The following ITGA9 variants were observed in gnomAD, a reference collection of about 807,000 sequenced individuals.
ITGA9 encodes integrin alpha-9.
Under a neutral mutation model 127.8 loss-of-function variants are expected in ITGA9, and 56 were observed. The ratio of observed to expected loss-of-function variants is 0.44; its 90% CI spans 0.35 to 0.55. The LOEUF (loss-of-function observed/expected upper bound fraction) is 0.55, where lower values mean the gene tolerates loss of function less well. Ranked by LOEUF, ITGA9 falls within the 20% of genes least tolerant of loss-of-function variation. The pLI, the probability that ITGA9 is intolerant of heterozygous loss-of-function variation, is 0.00. For missense variants in ITGA9, 1,196 were observed against 1,347.1 expected (o/e 0.89, Z 1.76); for synonymous variants, 508 against 514.5 (o/e 0.99, Z 0.17).
chr3:37,785,904 G>A (rs1429212928), intron 26 of ITGA9, among the ~76,000 whole-genome samples: 4 of 152,198 alleles, frequency 2.6e-5, no homozygotes, highest in South Asian at 2.1e-4. Context: ...TCAGAGACAC[G>A]GGAGGGTGTG....
rs914792373 is a variant in ITGA9 at position 37,806,401 on chromosome 3, CAG to C, written c.3009+2460_3009+2461del. ...TTATGGCTGGGTGTGTGGAACCAGACAGGGCACAGAGTGGGGAGTGTTGTGGC... is the reference window on the plus strand; with the variant it reads ...TTATGGCTGGGTGTGTGGAACCAGACGGCACAGAGTGGGGAGTGTTGTGGC... On this transcript the variant is annotated intron_variant, in intron 27 of 27. Coordinates refer to ENST00000264741, the MANE Select transcript of ITGA9 (RefSeq NM_002207.3). This position sits in a 1 kb window ranked among gnomAD's most constrained non-coding sequence, Gnocchi z 4.3. 8 of 152,132 alleles carry C rather than the reference CAG, an allele frequency of 5.3e-5. No homozygotes were observed. Among genetic ancestry groups the C allele is most frequent in the African/African-American group, 1.9e-4 (8 of 41,392 alleles). 9.4% of individuals were successfully genotyped at this position (152,132 alleles called of 1,614,324 possible).
chr3:37,714,753 T>G (rs1701116610), intron 18 of ITGA9, among the ~76,000 whole-genome samples: 1 of 152,142 alleles, frequency 6.6e-6, no homozygotes, highest in Non-Finnish European at 1.5e-5. Flanking sequence ...GTCCCAGCAG[T>G]CTGTGTTTTA....
intron 14 of ITGA9, 62 bp downstream of exon 14, chr3:37,533,530 T>C: frequency 6.4e-7 from 1 of 1,550,970 alleles, no homozygotes. Flanking sequence ...TAGTGGGATA[T>C]TTCCGATGTT....
intron 13 of ITGA9, among the ~76,000 whole-genome samples, chr3:37,526,628 A>G (rs1699096374): frequency 6.6e-6 from 1 of 152,222 alleles, no homozygotes; most frequent in Non-Finnish European, 1.5e-5. Flanking sequence ...TGCAGTCTGC[A>G]TCTCTCCTGC....
intron 8 of ITGA9, 36 bp from the exon 9 acceptor site, chr3:37,513,727 C>A: frequency 6.2e-7 from 1 of 1,613,756 alleles, no homozygotes; most frequent in African/African-American, 1.3e-5. Flanking sequence ...TGAGAGCAGA[C>A]ACTGAATGCT....
chr3:37,539,107 T>G (rs1310700946), intron 14 of ITGA9, among the ~76,000 whole-genome samples: 1 of 152,228 alleles, frequency 6.6e-6, no homozygotes, highest in Non-Finnish European at 1.5e-5. Flanking sequence ...GATCAGTACT[T>G]CCGGATCAGT....
At chr3:37,492,497 G>A (rs1238933692) in intron 4 of ITGA9, among the ~76,000 whole-genome samples, 3 of 152,218 alleles carry the variant, frequency 2.0e-5, no homozygotes, top group Non-Finnish European at 2.9e-5. Flanking sequence ...TCACCACCTC[G>A]GAAACCCGAG....
At chr3:37,467,902 T>C (rs987642073) in intron 1 of ITGA9, among the ~76,000 whole-genome samples, 1 of 152,202 alleles carries the variant, frequency 6.6e-6, no homozygotes, top group African/African-American at 2.4e-5. Context: ...AAGCGCAATA[T>C]GTGACTTACC....
intron 20 of ITGA9, among the ~76,000 whole-genome samples, chr3:37,738,982 A>G (rs1696400037): frequency 6.6e-6 from 1 of 152,226 alleles, no homozygotes; most frequent in African/African-American, 2.4e-5. Flanking sequence ...TGCCTGATCT[A>G]TCCCCAGAGA....
At chr3:37,721,054 A>G (rs373520763) in intron 18 of ITGA9, among the ~76,000 whole-genome samples, 1 of 151,166 alleles carries the variant, frequency 6.6e-6, no homozygotes, top group South Asian at 2.1e-4. Context: ...CCAGTCTGCA[A>G]CTGCCAGTGA....
intron 17 of ITGA9, among the ~76,000 whole-genome samples, chr3:37,680,191 C>T (rs1700721740): frequency 6.6e-6 from 1 of 152,132 alleles, no homozygotes; most frequent in African/African-American, 2.4e-5. Flanking sequence ...ATATCAAGAC[C>T]CTTTCTCAGT....
intron 15 of ITGA9, among the ~76,000 whole-genome samples, chr3:37,612,559 G>A (rs1700033630): frequency 6.6e-6 from 1 of 152,194 alleles, no homozygotes; most frequent in African/African-American, 2.4e-5. Flanking sequence ...GGAAGGAAAT[G>A]CTAAATTTCA....
intron 15 of ITGA9, among the ~76,000 whole-genome samples, chr3:37,604,060 G>A (rs1575164091): frequency 6.6e-6 from 1 of 152,206 alleles, no homozygotes; most frequent in East Asian, 1.9e-4. Context: ...GATACGGATG[G>A]GCAAGCACTT....
At chr3:37,680,920 G>T (rs1048969925) in intron 17 of ITGA9, among the ~76,000 whole-genome samples, 1 of 152,146 alleles carries the variant, frequency 6.6e-6, no homozygotes, top group African/African-American at 2.4e-5. Context: ...TCAAGAATTT[G>T]CAGCTCTTAA....
At chr3:37,726,467 T>C (rs542368444) in intron 18 of ITGA9, among the ~76,000 whole-genome samples, 2 of 152,234 alleles carry the variant, frequency 1.3e-5, no homozygotes, top group East Asian at 3.9e-4. Context: ...AAGGCCAGAG[T>C]CTAGACTGAC....
chr3:37,612,833 G>C (rs946466678), intron 15 of ITGA9, among the ~76,000 whole-genome samples: 19 of 152,150 alleles, frequency 1.2e-4, no homozygotes, highest in African/African-American at 4.6e-4. Flanking sequence ...GTAAATCTCA[G>C]TGCTTCACAC....
chr3:37,472,665 G>A (rs1698446033), intron 2 of ITGA9, among the ~76,000 whole-genome samples: 2 of 152,022 alleles, frequency 1.3e-5, no homozygotes, highest in South Asian at 4.2e-4. Flanking sequence ...CAAAGTGCTG[G>A]GATTACAGGT....
intron 15 of ITGA9, among the ~76,000 whole-genome samples, chr3:37,545,102 C>T (rs905555035): frequency 9.9e-5 from 15 of 152,126 alleles, no homozygotes; most frequent in Admixed American, 9.2e-4. Flanking sequence ...GAGTGGCAGC[C>T]GGGCCACCTC....
chr3:37,554,759 A>G lies in ITGA9; in HGVS notation c.1689+12174A>G, dbSNP rs12638452. On this transcript the variant is annotated intron_variant, in intron 15 of 27. Transcript: ENST00000264741. ...GAATAAGATATCAAGGGTCACTCCAAGCTTTTCAGCCTGAGTACCTAAAAG... is the reference window on the plus strand; with the variant it reads ...GAATAAGATATCAAGGGTCACTCCAGGCTTTTCAGCCTGAGTACCTAAAAG... Among the ~76,000 whole-genome samples, 1,449 of 152,284 alleles carry G rather than the reference A, an allele frequency of 9.5e-3. 71 individuals are homozygous for G. In the East Asian group the frequency reaches 0.17, roughly 18 times the overall value.
Sources: gnomAD v4.1 joint callset for allele counts (sites outside exome capture counted in the v4.1 genomes callset) on GRCh38, gnomAD v4.1.1 for gene constraint, Gnocchi (gnomAD v3.1) non-coding constraint, MANE v1.5 for transcripts, NCBI Gene and HGNC (gene_info 2026-07-23, HGNC 2026-07-21) for gene names.